CRACR2B: variants seen among roughly 807,000 people sequenced by gnomAD.
The protein encoded by CRACR2B is calcium release activated channel regulator 2B.
Under a neutral mutation model 46.0 loss-of-function variants are expected in CRACR2B, and 50 were observed. That is an observed-to-expected ratio of 1.09 (90% CI 0.87 to 1.38). CRACR2B has a LOEUF of 1.38. Among genes scored for constraint, CRACR2B ranks in the 40% most tolerant of loss-of-function variants. The pLI, the probability that CRACR2B is intolerant of heterozygous loss-of-function variation, is 0.00. For missense variants in CRACR2B, 667 were observed against 535.0 expected (o/e 1.25, Z -2.43); for synonymous variants, 277 against 239.6 (o/e 1.16, Z -1.44).
intron 8 of CRACR2B, 80 bp downstream of exon 8, chr11:831,375 C>T (rs759201172): frequency 2.7e-5 from 41 of 1,521,208 alleles, no homozygotes; most frequent in African/African-American, 7.1e-5. Context: ...TCTTGGCTGC[C>T]GCTCTACTCC....
At position 831,971 on chromosome 11, in the gene CRACR2B, A is replaced by C; in HGVS notation, c.*262A>C. ...CAGCAGAAAACCCCCTCGTCAAATA[A>C]AACCCACTGACTGCACTGCGTCCTC... On this transcript the variant is annotated 3_prime_UTR_variant, in exon 9 of 9. Coordinates refer to ENST00000525077, the MANE Select transcript of CRACR2B (RefSeq NM_001286606.2). The C allele has an allele frequency of 4.2e-6, 2 of 477,916 alleles. No homozygotes were observed. Among genetic ancestry groups the C allele is most frequent in the Non-Finnish European group, 7.3e-6 (2 of 273,672 alleles). 29.6% of individuals were successfully genotyped at this position (477,916 alleles called of 1,614,324 possible).
In CRACR2B at chr11:829,273, G is replaced by A. The variant is rs1372778449; in HGVS notation, c.278-87G>A. 3 of 1,507,372 alleles carry A rather than the reference G, an allele frequency of 2.0e-6. No individual in the cohort carries two copies. The Admixed American group carries it at 7.7e-5, about 39-fold the overall frequency. 93.4% of individuals were successfully genotyped at this position (1,507,372 alleles called of 1,614,324 possible). A position where few individuals can be genotyped will look rare whatever the true frequency, so the allele number is the denominator to read the frequency against. ...AAACAGGAAACTGGGCCCTGAGAGAGGGCAGGATACTCGTTGGGAGGGTGA... is the reference window on the plus strand; with the variant it reads ...AAACAGGAAACTGGGCCCTGAGAGAAGGCAGGATACTCGTTGGGAGGGTGA... On this transcript the variant is annotated intron_variant, in intron 2 of 8. Transcript: ENST00000525077.
In CRACR2B at chr11:831,936, C is replaced by T. The variant is rs1411808902; in HGVS notation, c.*227C>T. 4 of 512,656 alleles carry T rather than the reference C, an allele frequency of 7.8e-6. No homozygotes were observed. Among genetic ancestry groups the T allele is most frequent in the African/African-American group, 2.0e-5 (1 of 49,458 alleles). The allele number at this position is 512,656 out of a possible 1,614,324, so 31.8% of individuals were successfully genotyped here. On this transcript the variant is annotated 3_prime_UTR_variant, in exon 9 of 9. Coordinates refer to ENST00000525077, the MANE Select transcript of CRACR2B (RefSeq NM_001286606.2). ...CGCTCTGTCCCCGTTCAATCAACCC[C>T]ATCTCAGTTCAGCAGAAAACCCCCT...
rs1356042330 is a variant in CRACR2B at position 830,076 on chromosome 11, G to C, written c.549G>C (p.Ser183=). 2.6e-6 allele frequency: 4 copies of C among 1,549,348 alleles called. No homozygotes were observed. The highest frequency in any genetic ancestry group is 2.6e-6 in the Non-Finnish European group (3 of 1,152,490). The change falls in exon 4 of 9, where the codon TCG becomes TCC. Residue 183 remains serine, a synonymous_variant. Coordinates refer to ENST00000525077, the MANE Select transcript of CRACR2B (RefSeq NM_001286606.2). ...TCGAGGATGTTCTGATACGCGCGTC[G>C]GCCTGCCTGGAGGAGGCGGCCCGGG... ...GSFEDVLIRA[S]ACLEEAARER... is the part of the protein sequence containing the mutation.
At chr11:830,180 G>A in intron 4 of CRACR2B, 48 bp downstream of exon 4, 1 of 1,497,530 alleles carries the variant, frequency 6.7e-7, no homozygotes, top group Non-Finnish European at 8.9e-7. Flanking sequence ...CCTCAGGGCA[G>A]CAGCAGAGGC....
At chr11:831,373 G>A in intron 8 of CRACR2B, 78 bp downstream of exon 8, 2 of 1,529,426 alleles carry the variant, frequency 1.3e-6, no homozygotes, top group Admixed American at 2.4e-5. Flanking sequence ...ATTCTTGGCT[G>A]CCGCTCTACT....
At position 830,230 on chromosome 11, in the gene CRACR2B, G is replaced by A. The variant is rs1323153114; in HGVS notation, c.606-20G>A. On this transcript the variant is annotated intron_variant, in intron 4 of 8. Transcript: ENST00000525077. ...GTAGCGCTGGCAAGTTCTCATCCGGGGTCGCCCGGTCCCCCGAAGGCGCGA... is the reference window on the plus strand; with the variant it reads ...GTAGCGCTGGCAAGTTCTCATCCGGAGTCGCCCGGTCCCCCGAAGGCGCGA... The A allele has an allele frequency of 8.0e-6, 12 of 1,498,388 alleles. No individual in the cohort carries two copies. Among genetic ancestry groups the A allele is most frequent in the Non-Finnish European group, 1.1e-5 (12 of 1,121,794 alleles). 92.8% of individuals were successfully genotyped at this position (1,498,388 alleles called of 1,614,324 possible).
rs866936915 is a variant in CRACR2B, at chr11:830,254, G to A, written c.610G>A (p.Glu204Lys). ...DGLEQALRRR[E>K]SEHEREVRAL... ...GGGTCGCCCGGTCCCCCGAAGGCGC[G>A]AGAGCGAGCACGAGAGGGAGGTGCG... The change falls in exon 5 of 9, where the codon GAG becomes AAG. Residue 204 changes from glutamate (E) to lysine (K), a missense_variant. Coordinates refer to ENST00000525077, the MANE Select transcript of CRACR2B (RefSeq NM_001286606.2). The A allele has an allele frequency of 6.6e-7, 1 of 1,513,830 alleles. No homozygotes were observed. The highest frequency in any genetic ancestry group is 8.9e-7 in the Non-Finnish European group (1 of 1,128,300). The allele number at this position is 1,513,830 out of a possible 1,614,324, so 93.8% of individuals were successfully genotyped here. A position where few individuals can be genotyped will look rare whatever the true frequency, so the allele number is the denominator to read the frequency against.
chr11:828,533 C>T lies in CRACR2B; in HGVS notation c.-75C>T, dbSNP rs1846081168. On this transcript the variant is annotated 5_prime_UTR_variant, in exon 1 of 9. Coordinates refer to ENST00000525077, the MANE Select transcript of CRACR2B (RefSeq NM_001286606.2). Reference sequence around the variant, plus strand: ...TTCAGACACACTTGCACCCCATCCGCTCCCCTCCTGAATTTCTTCTGACCC... The same window carrying T: ...TTCAGACACACTTGCACCCCATCCGTTCCCCTCCTGAATTTCTTCTGACCC... 6.8e-7 allele frequency: 1 copy of T among 1,472,522 alleles called. No individual in the cohort carries two copies. The allele number at this position is 1,472,522 out of a possible 1,614,324, so 91.2% of individuals were successfully genotyped here. A position where few individuals can be genotyped will look rare whatever the true frequency, so the allele number is the denominator to read the frequency against.
Position 830,038 on chromosome 11 carries a change from C to G in CRACR2B, c.511C>G (p.Leu171Val). 6.4e-7 allele frequency: 1 copy of G among 1,568,116 alleles called. No individual in the cohort carries two copies. The change falls in exon 4 of 9, where the codon CTG becomes GTG. Residue 171 changes from leucine to valine, a missense_variant. By Grantham distance (32) the Leu-to-Val change is conservative. Coordinates refer to ENST00000525077, the MANE Select transcript of CRACR2B (RefSeq NM_001286606.2). ...WARLQRERPE[L>V]LGSFEDVLIR... ...CAGGCTGCAGCGCGAGCGCCCCGAGCTGCTGGGCTCTTTCGAGGATGTTCT... is the reference window on the plus strand; with the variant it reads ...CAGGCTGCAGCGCGAGCGCCCCGAGGTGCTGGGCTCTTTCGAGGATGTTCT...
At position 828,981 on chromosome 11, in the gene CRACR2B, C is replaced by A. The variant is rs751837387; in HGVS notation, c.277+18C>A. 2.5e-6 allele frequency: 4 copies of A among 1,600,472 alleles called. No homozygotes were observed. The African/African-American group carries it at 5.3e-5, about 21-fold the overall frequency. On this transcript the variant is annotated intron_variant, in intron 2 of 8. Coordinates refer to ENST00000525077, the MANE Select transcript of CRACR2B (RefSeq NM_001286606.2). ...GGGCCTGGGTGAGCCTGTGGCCTGC[C>A]TATCCCCCACTGCCCAGAGCTGGAG... is the stretch of plus-strand genomic sequence containing the variant.
chr11:827,052 G>A (rs1845949076), upstream of CRACR2B, among the ~76,000 whole-genome samples: 1 of 152,202 alleles, frequency 6.6e-6, no homozygotes, highest in African/African-American at 2.4e-5. Flanking sequence ...GGTCTCTGGG[G>A]CATATCGTTG....
chr11:827,606 G>A, upstream of CRACR2B: 1 of 940,650 alleles, frequency 1.1e-6, no homozygotes, highest in Non-Finnish European at 1.3e-6. Context: ...GCAAGCCGGA[G>A]GGCGGGCGAG....
In CRACR2B at chr11:828,460, C is replaced by T. The variant is rs1846075938; in HGVS notation, c.-148C>T. The T allele has an allele frequency of 1.0e-6, 1 of 978,244 alleles. No homozygotes were observed. Among genetic ancestry groups the T allele is most frequent in the East Asian group, 2.8e-5 (1 of 35,754 alleles). 60.6% of individuals were successfully genotyped at this position (978,244 alleles called of 1,614,324 possible). A position where few individuals can be genotyped will look rare whatever the true frequency, so the allele number is the denominator to read the frequency against. ...CCCCAGCCCCCTGGTCCCACCTTGC[C>T]TTCCGCCCACCTTCCCACCTGCTGC... is the stretch of plus-strand genomic sequence containing the variant. On this transcript the variant is annotated 5_prime_UTR_variant, in exon 1 of 9. Transcript: ENST00000525077.
At position 831,954 on chromosome 11, in the gene CRACR2B, A is replaced by C; in HGVS notation, c.*245A>C. The C allele has an allele frequency of 2.0e-6, 1 of 494,964 alleles. No individual in the cohort carries two copies. 30.7% of individuals were successfully genotyped at this position (494,964 alleles called of 1,614,324 possible). ...TCAACCCCATCTCAGTTCAGCAGAA[A>C]ACCCCCTCGTCAAATAAAACCCACT... On this transcript the variant is annotated 3_prime_UTR_variant, in exon 9 of 9. Coordinates refer to ENST00000525077, the MANE Select transcript of CRACR2B (RefSeq NM_001286606.2).
At chr11:830,396 G>A in intron 5 of CRACR2B, 59 bp downstream of exon 5, 1 of 1,536,246 alleles carries the variant, frequency 6.5e-7, no homozygotes, top group Non-Finnish European at 8.7e-7. Context: ...GGCCTCCCTG[G>A]CTCCGCCTTC....
At position 830,318 on chromosome 11, in the gene CRACR2B, G is replaced by A; in HGVS notation, c.674G>A (p.Ser225Asn). 2 of 1,534,456 alleles carry A rather than the reference G, an allele frequency of 1.3e-6. No homozygotes were observed. The highest frequency in any genetic ancestry group is 1.2e-5 in the South Asian group (1 of 83,868). ...GAGACGGAGCAGCTTCGGGAGCAGA[G>A]CCGGCGCCCGCCGAGTCAGGTGGGC... ...YEETEQLREQ[S>N]RRPPSQNFAR... The change falls in exon 5 of 9, where the codon AGC becomes AAC. Residue 225 changes from serine to asparagine, a missense_variant. Physicochemically the swap from Ser to Asn is conservative, Grantham distance 46. Coordinates refer to ENST00000525077, the MANE Select transcript of CRACR2B (RefSeq NM_001286606.2).
rs1052017003 is a variant in CRACR2B at position 831,668 on chromosome 11, C to T, written c.1159C>T (p.Pro387Ser). 5.2e-6 allele frequency: 8 copies of T among 1,533,140 alleles called. No homozygotes were observed. Among genetic ancestry groups the T allele is most frequent in the South Asian group, 1.2e-5 (1 of 83,192 alleles). 95.0% of individuals were successfully genotyped at this position (1,533,140 alleles called of 1,614,324 possible). ...TCCCCCCWAR[P>S]PRRGSGHLPS... ...CTGCTGCTGCTGTTGCTGGGCTCGG[C>T]CCCCCAGACGCGGCTCTGGCCACCT... The change falls in exon 9 of 9, where the codon CCC becomes TCC. Residue 387 changes from proline (P) to serine (S), a missense_variant. By Grantham distance (74) the Pro-to-Ser change is moderately conservative. Coordinates refer to ENST00000525077, the MANE Select transcript of CRACR2B (RefSeq NM_001286606.2).
Position 830,473 on chromosome 11 carries a change from C to T in CRACR2B, c.693+136C>T, listed in dbSNP as rs983557955. 4.1e-5 allele frequency: 63 copies of T among 1,536,730 alleles called. No individual in the cohort carries two copies. The African/African-American group carries it at 7.8e-4, about 19-fold the overall frequency. ...CAGGCTGCCCTCAGCCCGAGGAGATCCCACTGGGCCTCACGTATCACCCCC... is the reference window on the plus strand; with the variant it reads ...CAGGCTGCCCTCAGCCCGAGGAGATTCCACTGGGCCTCACGTATCACCCCC... On this transcript the variant is annotated intron_variant, in intron 5 of 8. Coordinates refer to ENST00000525077, the MANE Select transcript of CRACR2B (RefSeq NM_001286606.2).
Sources: allele counts gnomAD v4.1 joint callset (sites outside exome capture counted in the v4.1 genomes callset), GRCh38; gene constraint gnomAD v4.1.1; transcripts MANE v1.5; gene names NCBI Gene and HGNC (gene_info 2026-07-23, HGNC 2026-07-21).